The following TENM3 variants were observed in gnomAD, a reference collection of about 807,000 sequenced individuals.
TENM3 encodes teneurin-3.
TENM3 carries 63 observed loss-of-function variants against 255.1 expected under a neutral mutation model. That is an observed-to-expected ratio of 0.25 (90% CI 0.20 to 0.30). The LOEUF (loss-of-function observed/expected upper bound fraction) is 0.30, where lower values mean the gene tolerates loss of function less well. Ranked by LOEUF, TENM3 falls within the 10% of genes least tolerant of loss-of-function variation. The probability of loss-of-function intolerance (pLI) is 1.00; values close to 1 mark genes in which losing one functional copy is unlikely to be tolerated. For missense variants in TENM3, 2,929 were observed against 3,461.1 expected, an observed-to-expected ratio of 0.85 and a Z score of 3.86; for synonymous variants, 1,306 against 1,322.3, an observed-to-expected ratio of 0.99 and a Z score of 0.27.
At chr4:182,098,470 G>A in the TENM3 span, among the ~76,000 whole-genome samples, 1 of 152,140 alleles carries the variant, frequency 6.6e-6, no homozygotes, top group Admixed American at 6.5e-5. Context: ...AAAGAAAATA[G>A]GGTACATATA....
At chr4:181,677,835 T>A in the TENM3 span, among the ~76,000 whole-genome samples, 1 of 152,138 alleles carries the variant, frequency 6.6e-6, no homozygotes, top group Non-Finnish European at 1.5e-5. Flanking sequence ...CTCATTAGCC[T>A]TATTTCAGTT....
At chr4:182,620,908 T>C (rs1280327163) in intron 4 of TENM3, among the ~76,000 whole-genome samples, 2 of 151,944 alleles carry the variant, frequency 1.3e-5, no homozygotes, top group Non-Finnish European at 2.9e-5. Flanking sequence ...TTTAAAAAAG[T>C]TTTTATCACG....
At chr4:182,321,658 T>C (rs1316034052) in intron 1 of TENM3, among the ~76,000 whole-genome samples, 1 of 149,642 alleles carries the variant, frequency 6.7e-6, no homozygotes, top group African/African-American at 2.5e-5. Context: ...TAAAATAACT[T>C]CTCTTGGCCG....
At chr4:182,360,664 A>G (rs1765901121) in intron 3 of TENM3, among the ~76,000 whole-genome samples, 1 of 151,850 alleles carries the variant, frequency 6.6e-6, no homozygotes, top group South Asian at 2.1e-4. Flanking sequence ...ATGGGTCTTG[A>G]CTCTTTATCC....
At chr4:181,927,246 G>A in the TENM3 span, among the ~76,000 whole-genome samples, 12 of 152,210 alleles carry the variant, frequency 7.9e-5, no homozygotes, top group African/African-American at 1.4e-4. Context: ...CCACCCTCAC[G>A]GAACCCAGCA....
chr4:182,409,682 T>C (rs1769838453), intron 3 of TENM3, among the ~76,000 whole-genome samples: 1 of 152,216 alleles, frequency 6.6e-6, no homozygotes, highest in African/African-American at 2.4e-5. Flanking sequence ...ATTTTATGTA[T>C]GTAAATATAT....
the TENM3 span, among the ~76,000 whole-genome samples, chr4:181,956,253 G>A: frequency 6.6e-6 from 1 of 152,114 alleles, no homozygotes; most frequent in African/African-American, 2.4e-5. Context: ...ATCACCTTGG[G>A]TGTTAGGGTT....
intron 2 of TENM3, among the ~76,000 whole-genome samples, chr4:182,340,241 C>T (rs1246329210): frequency 1.3e-5 from 2 of 152,138 alleles, no homozygotes; most frequent in African/African-American, 4.8e-5. Context: ...CCTTAGTGCC[C>T]AGCCTGGAAT....
In TENM3 at chr4:182,797,128, T is replaced by G. The variant is rs543983658; in HGVS notation, c.7344+361T>G. ...GCAAACCACAAACAATGCCACAAGG[T>G]TCAACTTCTTTAAAAATTAACAGTG... On this transcript the variant is annotated intron_variant, in intron 27 of 27. Coordinates refer to ENST00000511685, the MANE Select transcript of TENM3 (RefSeq NM_001080477.4). Among the ~76,000 whole-genome samples the G allele has an allele frequency of 7.9e-5, 12 of 151,854 alleles. No individual in the cohort carries two copies. In the East Asian group the frequency reaches 2.3e-3, roughly 30 times the overall value.
At chr4:182,523,493 A>G (rs1200218346) in intron 3 of TENM3, among the ~76,000 whole-genome samples, 2 of 152,182 alleles carry the variant, frequency 1.3e-5, no homozygotes, top group African/African-American at 4.8e-5. Context: ...CTGTTCTCAT[A>G]GTAAATTAGT....
At chr4:181,982,947 G>T in the TENM3 span, among the ~76,000 whole-genome samples, 1 of 152,188 alleles carries the variant, frequency 6.6e-6, no homozygotes, top group South Asian at 2.1e-4. Context: ...GGGTCGATAG[G>T]GTTGAGGTGA....
the TENM3 span, among the ~76,000 whole-genome samples, chr4:181,964,686 A>G: frequency 6.6e-6 from 1 of 152,170 alleles, no homozygotes; most frequent in Admixed American, 6.5e-5. Context: ...GGTATACTGC[A>G]TGCACTGCTG....
chr4:181,502,207 G>A, the TENM3 span, among the ~76,000 whole-genome samples: 4 of 152,180 alleles, frequency 2.6e-5, no homozygotes, highest in Non-Finnish European at 5.9e-5. Flanking sequence ...ATTATATATT[G>A]GTCAAAGCCC....
rs968925188 is a variant in TENM3, at chr4:182,433,941, C to T, written c.511+87012C>T. Among the ~76,000 whole-genome samples, 3 of 151,942 alleles carry T rather than the reference C, an allele frequency of 2.0e-5. No homozygotes were observed. In the South Asian group the frequency reaches 6.2e-4, roughly 32 times the overall value. On this transcript the variant is annotated intron_variant, in intron 3 of 27. Transcript: ENST00000511685. ...ATCAGCCAGTGCAACATAGTGGGAA[C>T]CCACCTCTACAAAACATTTTAAAAA...
At chr4:181,585,227 TA>T in the TENM3 span, among the ~76,000 whole-genome samples, 2 of 152,174 alleles carry the variant, frequency 1.3e-5, no homozygotes, top group Non-Finnish European at 1.5e-5. Flanking sequence ...ACCGATTTTT[TA>T]AAAATCATTA....
At chr4:182,702,762 G>A (rs963759548) in intron 12 of TENM3, among the ~76,000 whole-genome samples, 3 of 150,996 alleles carry the variant, frequency 2.0e-5, no homozygotes, top group Non-Finnish European at 2.9e-5. Flanking sequence ...TTTTGAGACG[G>A]CGTCTGGCTC....
chr4:182,080,512 T>C, the TENM3 span, among the ~76,000 whole-genome samples: 1 of 152,192 alleles, frequency 6.6e-6, no homozygotes, highest in Non-Finnish European at 1.5e-5. Context: ...ATTTTCTATG[T>C]TTAGATTAAC....
chr4:181,463,433 G>A, the TENM3 span, among the ~76,000 whole-genome samples: 1 of 152,062 alleles, frequency 6.6e-6, no homozygotes, highest in African/African-American at 2.4e-5. Flanking sequence ...TTCCATGGCT[G>A]CATTAGGCTT....
the TENM3 span, among the ~76,000 whole-genome samples, chr4:181,953,550 T>C: frequency 6.6e-6 from 1 of 151,732 alleles, no homozygotes; most frequent in Non-Finnish European, 1.5e-5. Flanking sequence ...AGGTAGGTGG[T>C]GGGTGCCTGT....
Sources: allele counts gnomAD v4.1 joint callset (sites outside exome capture counted in the v4.1 genomes callset), GRCh38; gene constraint gnomAD v4.1.1; transcripts MANE v1.5; gene names NCBI Gene and HGNC (gene_info 2026-07-23, HGNC 2026-07-21).